The following FAM171A1 variants were observed in gnomAD, a reference collection of about 807,000 sequenced individuals.
FAM171A1 encodes family with sequence similarity 171 member A1.
A neutral mutation model predicts 74.9 loss-of-function variants in FAM171A1; 23 were observed. That is an observed-to-expected ratio of 0.31 (90% CI 0.22 to 0.44). The LOEUF is 0.44. Among genes scored for constraint, FAM171A1 ranks in the 20% least tolerant of loss-of-function variants. The pLI, the probability that FAM171A1 is intolerant of heterozygous loss-of-function variation, is 1.00. For synonymous variants in FAM171A1, 527 were observed against 505.7 expected, an observed-to-expected ratio of 1.04 and a Z score of -0.57; for missense variants, 1,162 against 1,159.2, an observed-to-expected ratio of 1.00 and a Z score of -0.03.
chr10:15,264,879 T>C (rs1439999823), intron 3 of FAM171A1, among the ~76,000 whole-genome samples: 1 of 151,336 alleles, frequency 6.6e-6, no homozygotes, highest in Non-Finnish European at 1.5e-5. Context: ...ATCTACATGG[T>C]AGTAAGGACC....
At chr10:15,273,948 G>A (rs149967974) in intron 3 of FAM171A1, among the ~76,000 whole-genome samples, 2 of 152,242 alleles carry the variant, frequency 1.3e-5, no homozygotes, top group African/African-American at 4.8e-5. Flanking sequence ...GGCAAAAACT[G>A]GAAGCACTCC....
chr10:15,281,170 T>C (rs1834966162), intron 2 of FAM171A1, among the ~76,000 whole-genome samples: 1 of 152,186 alleles, frequency 6.6e-6, no homozygotes, highest in Non-Finnish European at 1.5e-5. Context: ...CTCACTTCCC[T>C]TTTGCCTTTT....
chr10:15,328,384 G>A (rs1412748212), intron 1 of FAM171A1, among the ~76,000 whole-genome samples: 1 of 152,196 alleles, frequency 6.6e-6, no homozygotes, highest in Non-Finnish European at 1.5e-5. Context: ...GACGTCAGGT[G>A]ATCCACCCGC....
At chr10:15,333,412 ATTGC>A (rs1217058874) in intron 1 of FAM171A1, among the ~76,000 whole-genome samples, 1 of 152,202 alleles carries the variant, frequency 6.6e-6, no homozygotes, top group Non-Finnish European at 1.5e-5. Flanking sequence ...GGACAGGAGA[ATTGC>A]CTGAACCCAG....
Position 15,221,844 on chromosome 10 carries a change from A to C in FAM171A1, c.755-784T>G, listed in dbSNP as rs1349802156. Among the ~76,000 whole-genome samples, 4 of 152,166 alleles carry C rather than the reference A, an allele frequency of 2.6e-5. No individual in the cohort carries two copies. The East Asian group carries it at 7.7e-4, about 29-fold the overall frequency. ...ATAGAACCTGGGGCTGCCTGACCTC[A>C]AGGCTGTGCTATTTCTTCTGCTCTG... is the stretch of plus-strand genomic sequence containing the variant. On this transcript the variant is annotated intron_variant, in intron 5 of 7. Coordinates refer to ENST00000378116, the MANE Select transcript of FAM171A1 (RefSeq NM_001010924.2).
At chr10:15,352,176 T>C (rs1414421794) in intron 1 of FAM171A1, among the ~76,000 whole-genome samples, 36 of 151,220 alleles carry the variant, frequency 2.4e-4, no homozygotes, top group Non-Finnish European at 2.9e-4. Context: ...GAGGTGGAGG[T>C]TGCAATGAGC....
chr10:15,242,331 G>A lies in FAM171A1; in HGVS notation c.754+6308C>T, dbSNP rs189882001. 2.3e-3 allele frequency among the ~76,000 whole-genome samples: 347 copies of A among 152,180 alleles called. 3 individuals are homozygous for A. The South Asian group carries it at 0.03, about 13-fold the overall frequency. ...GAGTATAATAAGTGAAAAAACATAT[G>A]GTTTCTTTGAAATGTCCATCTTAAA... On this transcript the variant is annotated intron_variant, in intron 5 of 7. Coordinates refer to ENST00000378116, the MANE Select transcript of FAM171A1 (RefSeq NM_001010924.2).
chr10:15,357,682 G>C (rs1231618399), intron 1 of FAM171A1, among the ~76,000 whole-genome samples: 9 of 152,182 alleles, frequency 5.9e-5, no homozygotes, highest in African/African-American at 2.2e-4. Context: ...TTTATTTAGG[G>C]GAAAGGGCAC....
intron 3 of FAM171A1, among the ~76,000 whole-genome samples, chr10:15,259,398 T>C (rs752648044): frequency 5.9e-5 from 9 of 152,074 alleles, no homozygotes; most frequent in Non-Finnish European, 1.2e-4. Context: ...GTCCTTTCCC[T>C]GCCCAGAAAC....
intron 2 of FAM171A1, 131 bp downstream of exon 2, chr10:15,283,747 G>A (rs1834998864): frequency 2.4e-6 from 2 of 825,350 alleles, no homozygotes; most frequent in East Asian, 5.3e-5. Flanking sequence ...ATGATGCCTG[G>A]CTAATTTTAA....
intron 3 of FAM171A1, among the ~76,000 whole-genome samples, chr10:15,266,079 C>G (rs777842775): frequency 1.6e-4 from 25 of 152,160 alleles, no homozygotes; most frequent in Non-Finnish European, 1.8e-4. Context: ...GTGGGACCCA[C>G]GGACGCCGTC....
chr10:15,334,215 C>T (rs991110676), intron 1 of FAM171A1, among the ~76,000 whole-genome samples: 14 of 152,358 alleles, frequency 9.2e-5, no homozygotes, highest in Admixed American at 5.2e-4. Context: ...CCCCCATTCC[C>T]CTTTCAAATG....
chr10:15,243,028 T>C (rs950637835), intron 5 of FAM171A1, among the ~76,000 whole-genome samples: 2 of 152,208 alleles, frequency 1.3e-5, no homozygotes, highest in Admixed American at 1.3e-4. Context: ...TACTTTCTTA[T>C]ACTCCTGGAG....
intron 1 of FAM171A1, among the ~76,000 whole-genome samples, chr10:15,361,708 T>C (rs767714940): frequency 6.6e-6 from 1 of 152,106 alleles, no homozygotes; most frequent in South Asian, 2.1e-4. Context: ...ATCTTACTGA[T>C]AGGACTCACT....
chr10:15,264,616 T>C (rs934133851), intron 3 of FAM171A1, among the ~76,000 whole-genome samples: 6 of 145,494 alleles, frequency 4.1e-5, no homozygotes, highest in Non-Finnish European at 7.6e-5. Context: ...GAAACCCTGT[T>C]TCTACAAAAA....
At chr10:15,252,491 C>T (rs1396666650) in intron 4 of FAM171A1, among the ~76,000 whole-genome samples, 1 of 152,118 alleles carries the variant, frequency 6.6e-6, no homozygotes, top group Non-Finnish European at 1.5e-5. Context: ...TCTTAGATGC[C>T]TTTAGTAAAA....
chr10:15,269,481 T>C (rs1380656333), intron 3 of FAM171A1, among the ~76,000 whole-genome samples: 1 of 152,104 alleles, frequency 6.6e-6, no homozygotes, highest in Non-Finnish European at 1.5e-5. Flanking sequence ...ACAAGCATTG[T>C]CAATTCTAAC....
At chr10:15,297,104 C>A (rs1278391790) in intron 1 of FAM171A1, among the ~76,000 whole-genome samples, 2 of 151,508 alleles carry the variant, frequency 1.3e-5, no homozygotes, top group Non-Finnish European at 2.9e-5. Context: ...GTCACCCAGG[C>A]TGGAGTGCAG....
At chr10:15,264,563 T>C (rs1233901880) in intron 3 of FAM171A1, among the ~76,000 whole-genome samples, 1 of 151,954 alleles carries the variant, frequency 6.6e-6, no homozygotes, top group African/African-American at 2.4e-5. Context: ...GGTGGGCAGA[T>C]AGCTTGAGCC....
Sources: gnomAD v4.1 joint callset for allele counts (sites outside exome capture counted in the v4.1 genomes callset) on GRCh38, gnomAD v4.1.1 for gene constraint, MANE v1.5 for transcripts, NCBI Gene and HGNC (gene_info 2026-07-23, HGNC 2026-07-21) for gene names.